The following CD6 variants were observed in gnomAD, a reference collection of about 807,000 sequenced individuals.
CD6 encodes CD6 molecule, also known as T-cell differentiation antigen CD6.
Under a neutral mutation model 75.3 loss-of-function variants are expected in CD6, and 53 were observed. That is an observed-to-expected ratio of 0.70 (90% confidence interval 0.56 to 0.88). The LOEUF (loss-of-function observed/expected upper bound fraction) is 0.88, where lower values mean the gene tolerates loss of function less well. Among genes scored for constraint, CD6 ranks in the 40% least tolerant of loss-of-function variants. CD6 has a pLI of 0.00. For missense variants in CD6, 770 were observed against 897.1 expected (o/e 0.86, Z 1.81); for synonymous variants, 359 against 381.5 (o/e 0.94, Z 0.69).
At position 61,012,426 on chromosome 11, in the gene CD6, C is replaced by T. The variant is rs369403731; in HGVS notation, c.1151-997C>T. ...CCCAGCCTCACTCTCACATCTGCTT[C>T]CTGCTGCCAGATCCAGCTCCCATCC... On this transcript the variant is annotated intron_variant, in intron 6 of 12. Transcript: ENST00000313421. Among the ~76,000 whole-genome samples the T allele has an allele frequency of 7.9e-5, 12 of 152,348 alleles. No individual in the cohort carries two copies. In the South Asian group the frequency reaches 2.5e-3, roughly 32 times the overall value.
chr11:61,017,937 G>A lies in CD6; in HGVS notation c.1761G>A (p.Val587=), dbSNP rs1252981193. 6.2e-7 allele frequency: 1 copy of A among 1,613,942 alleles called. No homozygotes were observed. The highest frequency in any genetic ancestry group is 1.1e-5 in the South Asian group (1 of 91,082). ...KSKLPPWNPQ[V]FSSERSSFLE... ...AGCTGCCTCCATGGAACCCCCAGGTGTTTTCTTCAGAGAGGAGTTCCTTCC... is the reference window on the plus strand; with the variant it reads ...AGCTGCCTCCATGGAACCCCCAGGTATTTTCTTCAGAGAGGAGTTCCTTCC... Residue 587 remains valine (V), a synonymous_variant, in exon 11 of 13, where the codon GTG becomes GTA. Coordinates refer to ENST00000313421, the MANE Select transcript of CD6 (RefSeq NM_006725.5).
At chr11:61,002,810 A>C (rs550132489) in intron 1 of CD6, among the ~76,000 whole-genome samples, 7 of 152,208 alleles carry the variant, frequency 4.6e-5, no homozygotes, top group Admixed American at 3.9e-4. Flanking sequence ...AAGGCGTCAC[A>C]TGGCCAGAGA....
chr11:61,020,123 G>C lies in CD6; in HGVS notation c.*805G>C. 1 of 398,766 alleles carries C rather than the reference G, an allele frequency of 2.5e-6. No individual in the cohort carries two copies. Among genetic ancestry groups the C allele is most frequent in the East Asian group, 3.6e-5 (1 of 28,080 alleles). The allele number at this position is 398,766 out of a possible 1,614,324, so 24.7% of individuals were successfully genotyped here. Reference sequence around the variant, plus strand: ...CCCACCACAGATCCCAGAGATAGGGGCCCAGTCTCCATGGGGGCAAGGAGC... The same window carrying C: ...CCCACCACAGATCCCAGAGATAGGGCCCCAGTCTCCATGGGGGCAAGGAGC... On this transcript the variant is annotated 3_prime_UTR_variant, in exon 13 of 13. Transcript: ENST00000313421.
intron 12 of CD6, 110 bp downstream of exon 12, chr11:61,018,503 G>GGGAAAAGGAGAAAGGAAGA: frequency 2.4e-6 from 2 of 848,408 alleles, no homozygotes; most frequent in Middle Eastern, 2.4e-4. Context: ...AGAAAGGAAG[G>GGGAAAAGGAGAAAGGAAGA]GTAAAAGAAG....
At position 61,009,523 on chromosome 11, in the gene CD6, C is replaced by T. The variant is rs746592398; in HGVS notation, c.782-49C>T. The T allele has an allele frequency of 4.0e-6, 6 of 1,504,166 alleles. No homozygotes were observed. In the African/African-American group the frequency reaches 6.9e-5, roughly 17 times the overall value. The allele number at this position is 1,504,166 out of a possible 1,614,324, so 93.2% of individuals were successfully genotyped here. Reference sequence around the variant, plus strand: ...GGTGGGTCTGGGCTGGCGGGAATTTCTGCCCAAAGGATTCTGACCTGACTC... The same window carrying T: ...GGTGGGTCTGGGCTGGCGGGAATTTTTGCCCAAAGGATTCTGACCTGACTC... On this transcript the variant is annotated intron_variant, in intron 4 of 12. Transcript: ENST00000313421.
Position 61,017,401 on chromosome 11 carries a change from G to A in CD6, c.1511-78G>A. On this transcript the variant is annotated intron_variant, in intron 9 of 12. Transcript: ENST00000313421. Reference sequence around the variant, plus strand: ...CCTATTCAGCCTACCCAGGCCCCGGGAAATCCAGCCTCTTCTCCAGGCTCC... The same window carrying A: ...CCTATTCAGCCTACCCAGGCCCCGGAAAATCCAGCCTCTTCTCCAGGCTCC... The A allele has an allele frequency of 4.2e-6, 5 of 1,189,544 alleles. No homozygotes were observed. The South Asian group carries it at 5.1e-5, about 12-fold the overall frequency. The allele number at this position is 1,189,544 out of a possible 1,614,324, so 73.7% of individuals were successfully genotyped here.
intron 1 of CD6, among the ~76,000 whole-genome samples, chr11:60,999,795 C>T (rs1344464527): frequency 2.6e-5 from 4 of 151,886 alleles, no homozygotes; most frequent in Non-Finnish European, 4.4e-5. Flanking sequence ...GCCTGTAATC[C>T]CAGCACTTTG....
intron 1 of CD6, among the ~76,000 whole-genome samples, chr11:60,992,547 G>C (rs566996591): frequency 2.0e-5 from 3 of 152,134 alleles, no homozygotes; most frequent in Non-Finnish European, 4.4e-5. Context: ...GGACCTGAGG[G>C]CCGGGCGCTG....
Position 61,019,922 on chromosome 11 carries a change from G to T in CD6, c.*604G>T, listed in dbSNP as rs181890936. 5 of 388,186 alleles carry T rather than the reference G, an allele frequency of 1.3e-5. No homozygotes were observed. The Admixed American group carries it at 2.2e-4, about 17-fold the overall frequency. The allele number at this position is 388,186 out of a possible 1,614,324, so 24.0% of individuals were successfully genotyped here. A position where few individuals can be genotyped will look rare whatever the true frequency, so the allele number is the denominator to read the frequency against. On this transcript the variant is annotated 3_prime_UTR_variant, in exon 13 of 13. Transcript: ENST00000313421. ...ATAGCCTTCCTGGGCACAACTAGCTGACAATGACAGGTTGACTGTGTACCC... is the reference window on the plus strand; with the variant it reads ...ATAGCCTTCCTGGGCACAACTAGCTTACAATGACAGGTTGACTGTGTACCC...
intron 1 of CD6, among the ~76,000 whole-genome samples, chr11:60,990,942 A>G (rs995040204): frequency 6.6e-6 from 1 of 151,898 alleles, no homozygotes. Context: ...TTTCCAGCTG[A>G]TGGATGGTTA....
At chr11:61,010,421 C>T (rs750562180) in intron 5 of CD6, among the ~76,000 whole-genome samples, 1 of 152,150 alleles carries the variant, frequency 6.6e-6, no homozygotes, top group Non-Finnish European at 1.5e-5. Context: ...AACCACCAAA[C>T]GTAATGACTG....
At chr11:61,018,850 G>C (rs1322498167) in intron 12 of CD6, 2 of 246,384 alleles carry the variant, frequency 8.1e-6, no homozygotes, top group Non-Finnish European at 1.6e-5. Context: ...AGCACAACAA[G>C]AATATGAAGA....
rs747982969 is a variant in CD6, at chr11:61,008,670, G to A, written c.606G>A (p.Leu202=). 4 of 1,608,184 alleles carry A rather than the reference G, an allele frequency of 2.5e-6. No homozygotes were observed. The highest frequency in any genetic ancestry group is 3.4e-6 in the Non-Finnish European group (4 of 1,177,814). ...LEDAHVVCRQ[L]GCGWAVQALP... The stretch of plus-strand genomic sequence containing the variant: ...ACGCCCACGTGGTGTGCAGGCAACT[G>A]GGCTGCGGCTGGGCAGTCCAGGCCC... Residue 202 remains leucine (L), a synonymous_variant, in exon 4 of 13, where the codon CTG becomes CTA. Transcript: ENST00000313421.
intron 1 of CD6, among the ~76,000 whole-genome samples, chr11:60,982,991 C>T (rs1857639424): frequency 6.6e-6 from 1 of 151,992 alleles, no homozygotes; most frequent in African/African-American, 2.4e-5. Context: ...GACATGAACA[C>T]AGGTGACCCT....
At chr11:61,018,981 G>C in intron 12 of CD6, 1 of 408,290 alleles carries the variant, frequency 2.4e-6, no homozygotes, top group Non-Finnish European at 4.3e-6. Context: ...CCTTGGGGGA[G>C]ACTGTGGTAG....
rs559123090 is a variant in CD6, at chr11:60,993,725, C to G, written c.50-12849C>G. ...AATTTCCCGAGAATGGAGGCTGTTT[C>G]CCAGATGAATTGGTGCCTGGGATCT... On this transcript the variant is annotated intron_variant, in intron 1 of 12. Transcript: ENST00000313421. Among the ~76,000 whole-genome samples, 257 of 152,168 alleles carry G rather than the reference C, an allele frequency of 1.7e-3. 1 individual carries two copies. Among genetic ancestry groups the G allele is most frequent in the Non-Finnish European group, 2.9e-3 (198 of 68,030 alleles).
In CD6 at chr11:60,971,858, C is replaced by G. The variant is rs375196681; in HGVS notation, c.-8C>G. The G allele has an allele frequency of 1.2e-6, 2 of 1,613,528 alleles. No individual in the cohort carries two copies. The highest frequency in any genetic ancestry group is 1.7e-6 in the Non-Finnish European group (2 of 1,179,836). ...AGCCACGCGTAGCAGCCAGAGACAG[C>G]TCCAGACATGTGGCTCTTCTTCGGG... On this transcript the variant is annotated 5_prime_UTR_variant, in exon 1 of 13. Transcript: ENST00000313421.
intron 1 of CD6, among the ~76,000 whole-genome samples, chr11:60,990,752 CA>C (rs1858025063): frequency 6.6e-6 from 1 of 151,504 alleles, no homozygotes; most frequent in African/African-American, 2.4e-5. Context: ...TCTCCATACA[CA>C]ATGGATGGTA....
rs1218211973 is a variant in CD6, at chr11:61,008,578, G to A, written c.514G>A (p.Gly172Ser). Residue 172 changes from glycine to serine, a missense_variant, in exon 4 of 13, where the codon GGC (glycine) becomes AGC (serine). Gly to Ser is a moderately conservative substitution (Grantham distance 56). Transcript: ENST00000313421. ...GGTGGACGGTGGCGGCGCCTGCGCCGGCCGCGTGGAGATGCTGGAGCATGG... is the reference window on the plus strand; with the variant it reads ...GGTGGACGGTGGCGGCGCCTGCGCCAGCCGCGTGGAGATGCTGGAGCATGG... ...RLVDGGGACA[G>S]RVEMLEHGEW... 1 of 1,607,296 alleles carries A rather than the reference G, an allele frequency of 6.2e-7. No homozygotes were observed. The highest frequency in any genetic ancestry group is 1.3e-5 in the African/African-American group (1 of 74,864).
Sources: allele counts gnomAD v4.1 joint callset (sites outside exome capture counted in the v4.1 genomes callset), GRCh38; gene constraint gnomAD v4.1.1; transcripts MANE v1.5; gene names NCBI Gene and HGNC (gene_info 2026-07-23, HGNC 2026-07-21).